The following NAV2 variants were observed in gnomAD, a reference collection of about 807,000 sequenced individuals.
NAV2 encodes the protein neuron navigator 2, also known as helicase, APC down-regulated 1.
A neutral mutation model predicts 223.2 loss-of-function variants in NAV2; 54 were observed. The ratio of observed to expected loss-of-function variants is 0.24; its 90% CI spans 0.19 to 0.30. NAV2 has a LOEUF of 0.30. Among genes scored for constraint, NAV2 ranks in the 10% least tolerant of loss-of-function variants. NAV2 has a pLI of 1.00. For missense variants in NAV2, 2,806 were observed against 3,147.5 expected (o/e 0.89, Z 2.60); for synonymous variants, 1,279 against 1,239.3 (o/e 1.03, Z -0.67).
intron 1 of NAV2, among the ~76,000 whole-genome samples, chr11:19,658,233 G>A (rs1042151967): frequency 6.6e-6 from 1 of 152,068 alleles, no homozygotes; most frequent in African/African-American, 2.4e-5. Context: ...GGATCACACA[G>A]CGAGTAAGTG....
intron 3 of NAV2, among the ~76,000 whole-genome samples, chr11:19,865,956 A>G (rs990846733): frequency 6.6e-6 from 1 of 152,208 alleles, no homozygotes; most frequent in Non-Finnish European, 1.5e-5. Flanking sequence ...GCTCCTATGT[A>G]TGACAGGGAG....
At chr11:19,735,606 G>A (rs576013446) in intron 1 of NAV2, among the ~76,000 whole-genome samples, 3 of 152,268 alleles carry the variant, frequency 2.0e-5, no homozygotes, top group African/African-American at 7.2e-5. Context: ...GAATTATATA[G>A]CTAAATCAGA....
Position 20,103,296 on chromosome 11 carries a change from C to G in NAV2, c.6459C>G (p.Asn2153Lys). Residue 2153 changes from asparagine (N) to lysine (K), a missense_variant, in exon 33 of 38, where the codon AAC becomes AAG. Coordinates refer to ENST00000349880, the MANE Select transcript of NAV2 (RefSeq NM_145117.5). ...TGTCCAACCTTGCTGACCAGTGCAA[C>G]AGTGAGAACAATGCTGTGGACATGC... is the stretch of plus-strand genomic sequence containing the variant. ...QYLSNLADQCNSENNAVDMPL... is the reference protein window; with the variant it reads ...QYLSNLADQCKSENNAVDMPL... The G allele has an allele frequency of 6.2e-7, 1 of 1,614,208 alleles. No homozygotes were observed. Among genetic ancestry groups the G allele is most frequent in the Non-Finnish European group, 8.5e-7 (1 of 1,180,020 alleles).
intron 6 of NAV2, among the ~76,000 whole-genome samples, chr11:19,897,357 A>G (rs964383554): frequency 6.6e-6 from 1 of 152,170 alleles, no homozygotes; most frequent in African/African-American, 2.4e-5. Flanking sequence ...CGTTGTGCAC[A>G]TGTACCCTAA....
At chr11:19,390,865 A>G (rs977514247) in intron 1 of NAV2, among the ~76,000 whole-genome samples, 1 of 152,140 alleles carries the variant, frequency 6.6e-6, no homozygotes, top group Admixed American at 6.5e-5. Flanking sequence ...GCTGCCATTT[A>G]TTGTTCAATA....
intron 1 of NAV2, among the ~76,000 whole-genome samples, chr11:19,659,352 C>T (rs1050567050): frequency 6.6e-5 from 10 of 152,244 alleles, no homozygotes; most frequent in South Asian, 2.1e-4. Flanking sequence ...GCATAAGCTA[C>T]GGCCAGATGG....
intron 12 of NAV2, 185 bp from the exon 13 acceptor site, chr11:20,043,796 T>C: frequency 1.7e-6 from 1 of 576,788 alleles, no homozygotes; most frequent in Admixed American, 3.0e-5. Flanking sequence ...TTTTTATTTT[T>C]TTTTCCAAAA....
upstream of NAV2, among the ~76,000 whole-genome samples, chr11:19,349,170 C>A (rs80147752): frequency 0.032 from 4,863 of 152,286 alleles, 251 homozygotes; most frequent in African/African-American, 0.11. Context: ...CTGATTCTTA[C>A]CAAATTCAGA....
intron 1 of NAV2, among the ~76,000 whole-genome samples, chr11:19,744,469 A>T (rs1191740487): frequency 1.3e-5 from 2 of 152,178 alleles, no homozygotes; most frequent in Non-Finnish European, 2.9e-5. Flanking sequence ...ATGGCTGAGG[A>T]TGGAGGAAGG....
rs200685939 is a variant in NAV2, at chr11:20,097,662, G to A, written c.6098G>A (p.Arg2033His). Reference sequence around the variant, plus strand: ...GGCTACAGCATTGGAGAAATCAAGCGCAGCAACACTTCCGAAACACCGGAG... The same window carrying A: ...GGCTACAGCATTGGAGAAATCAAGCACAGCAACACTTCCGAAACACCGGAG... ...VLGYSIGEIK[R>H]SNTSETPELL... The change falls in exon 31 of 38, where the codon CGC becomes CAC. Residue 2033 changes from arginine (R) to histidine (H), a missense_variant. This residue lies in a region of NAV2 where 824 missense variants were observed against 1,069.4 expected (regional missense o/e 0.77). Coordinates refer to ENST00000349880, the MANE Select transcript of NAV2 (RefSeq NM_145117.5). 226 of 1,613,428 alleles carry A rather than the reference G, an allele frequency of 1.4e-4. No individual in the cohort carries two copies. The highest frequency in any genetic ancestry group is 1.8e-4 in the Non-Finnish European group (208 of 1,179,854).
intron 12 of NAV2, among the ~76,000 whole-genome samples, chr11:20,040,878 G>A (rs1038010013): frequency 6.6e-6 from 1 of 152,168 alleles, no homozygotes; most frequent in Admixed American, 6.5e-5. Flanking sequence ...TTAATCCCAA[G>A]GGGTGCCACC....
At chr11:19,372,856 G>T (rs1848518956) in intron 1 of NAV2, among the ~76,000 whole-genome samples, 1 of 152,210 alleles carries the variant, frequency 6.6e-6, no homozygotes, top group African/African-American at 2.4e-5. Flanking sequence ...TTCTAGGAAA[G>T]ATTCATTTTA....
chr11:19,779,396 G>A (rs2056562730), intron 1 of NAV2, among the ~76,000 whole-genome samples: 1 of 152,218 alleles, frequency 6.6e-6, no homozygotes, highest in Admixed American at 6.5e-5. Context: ...CAGCTTTTCT[G>A]TGAATGCTAG....
At chr11:19,895,104 CTTT>C (rs71050690) in intron 6 of NAV2, among the ~76,000 whole-genome samples, 1,878 of 99,190 alleles carry the variant, frequency 0.019, 13 homozygotes, top group African/African-American at 0.057. Context: ...CTTTTTCTTT[CTTT>C]TTTTTTTTTT....
intron 11 of NAV2, among the ~76,000 whole-genome samples, chr11:20,025,629 G>C (rs562088563): frequency 6.6e-6 from 1 of 152,246 alleles, no homozygotes; most frequent in African/African-American, 2.4e-5. Flanking sequence ...GTCAAGGAAT[G>C]AGTTACCAAA....
In NAV2 at chr11:20,114,752, C is replaced by T. The variant is rs1261181947; in HGVS notation, c.7121C>T (p.Thr2374Ile). ...TACTCCATGCCTCGGGAGGGATCGA[C>T]AAGCAAGCAGATGCCCCCCAGTGAT... is the stretch of plus-strand genomic sequence containing the variant. ...DGYSMPREGS[T>I]SKQMPPSDAE... Residue 2374 changes from threonine (T) to isoleucine (I), a missense_variant, in exon 37 of 38, where the codon ACA becomes ATA. Physicochemically the swap from Thr to Ile is moderately conservative, Grantham distance 89. Around this residue, in one of 4 missense-constraint regions of NAV2, gnomAD observed 824 missense variants for 1,069.4 expected, o/e 0.77. Coordinates refer to ENST00000349880, the MANE Select transcript of NAV2 (RefSeq NM_145117.5). 6.2e-7 allele frequency: 1 copy of T among 1,613,972 alleles called. No homozygotes were observed.
chr11:19,948,870 G>A lies in NAV2; in HGVS notation c.2435G>A (p.Arg812Lys). Residue 812 changes from arginine to lysine, a missense_variant, in exon 10 of 38, where the codon AGG (arginine) becomes AAG (lysine). Transcript: ENST00000349880. Reference sequence around the variant, plus strand: ...TATCCCCCTCGAGCCAACGCCAGCAGGTTCATCAACACTGAGTCAGGTCGC... The same window carrying A: ...TATCCCCCTCGAGCCAACGCCAGCAAGTTCATCAACACTGAGTCAGGTCGC... ...NGYPPRANAS[R>K]FINTESGRYV... is the part of the protein sequence containing the mutation. 1 of 1,614,066 alleles carries A rather than the reference G, an allele frequency of 6.2e-7. No individual in the cohort carries two copies.
intron 1 of NAV2, among the ~76,000 whole-genome samples, chr11:19,635,900 G>A (rs778322694): frequency 9.2e-5 from 14 of 152,244 alleles, no homozygotes; most frequent in Admixed American, 2.0e-4. Context: ...TAGGTGAGCA[G>A]AGGGTATTGG....
rs796750408 is a variant in NAV2, at chr11:19,650,611, A to T, written c.76-181873A>T. ...AATGAAAGCATAGGGCTACACAAAA[A>T]ACTTGTTTATGTAGGATCATAGCAG... On this transcript the variant is annotated intron_variant, in intron 1 of 37. Transcript: ENST00000360655. Among the ~76,000 whole-genome samples the T allele has an allele frequency of 1.2e-4, 18 of 152,308 alleles. 1 individual carries two copies. Among genetic ancestry groups the T allele is most frequent in the African/African-American group, 4.1e-4 (17 of 41,562 alleles).
Sources: allele counts gnomAD v4.1 joint callset (sites outside exome capture counted in the v4.1 genomes callset), GRCh38; gene constraint gnomAD v4.1.1; regional missense constraint gnomAD v4.1.1; transcripts MANE v1.5; gene names NCBI Gene and HGNC (gene_info 2026-07-23, HGNC 2026-07-21).